KIF20A: variants seen among roughly 807,000 people sequenced by gnomAD.
KIF20A encodes the protein kinesin family member 20A, also known as kinesin-like protein KIF20A.
In KIF20A, 66 loss-of-function variants were observed where a neutral mutation model predicts 113.0. The ratio of observed to expected loss-of-function variants is 0.58; its 90% confidence interval spans 0.48 to 0.72. The LOEUF is 0.72. KIF20A is among the 30% of genes least tolerant of loss of function. The pLI, the probability that KIF20A is intolerant of heterozygous loss-of-function variation, is 0.00. For synonymous variants in KIF20A, 376 were observed against 402.3 expected (o/e 0.93, Z 0.78); for missense variants, 927 against 1,077.6 (o/e 0.86, Z 1.96).
intron 5 of KIF20A, 21 bp from the exon 6 acceptor site, chr5:138,182,565 C>T (rs756990948): frequency 6.2e-7 from 1 of 1,613,916 alleles, no homozygotes; most frequent in Admixed American, 1.7e-5. Flanking sequence ...CCTCAGCTGT[C>T]CATCTTTCAT....
In KIF20A at chr5:138,184,950, C is replaced by G; in HGVS notation, c.1823+4C>G. 6.2e-7 allele frequency: 1 copy of G among 1,613,780 alleles called. No homozygotes were observed. The highest frequency in any genetic ancestry group is 8.5e-7 in the Non-Finnish European group (1 of 1,179,792). On this transcript the variant is annotated splice_donor_region_variant and intron_variant, in intron 14 of 18. Coordinates refer to ENST00000394894, the MANE Select transcript of KIF20A (RefSeq NM_005733.3). ...AACAGCGGGAACAGTGGTGCAGGTACTAGCTGAGTGACCCCTCTTGCTCTG... is the reference window on the plus strand; with the variant it reads ...AACAGCGGGAACAGTGGTGCAGGTAGTAGCTGAGTGACCCCTCTTGCTCTG...
Position 138,181,518 on chromosome 5 carries a change from G to A in KIF20A, c.255+7G>A, listed in dbSNP as rs781374555. On this transcript the variant is annotated splice_region_variant and intron_variant, in intron 3 of 18. Coordinates refer to ENST00000394894, the MANE Select transcript of KIF20A (RefSeq NM_005733.3). Reference sequence around the variant, plus strand: ...GGAACGACAGGAAGATCAGGTAAGTGTCTGAGAAGGGAGGATTCAAGGTGA... The same window carrying A: ...GGAACGACAGGAAGATCAGGTAAGTATCTGAGAAGGGAGGATTCAAGGTGA... 7 of 1,613,998 alleles carry A rather than the reference G, an allele frequency of 4.3e-6. No homozygotes were observed. In the Admixed American group the frequency reaches 1.2e-4, roughly 27 times the overall value.
chr5:138,187,253 A>C lies in KIF20A; in HGVS notation c.2513A>C (p.Gln838Pro). 1 of 1,614,176 alleles carries C rather than the reference A, an allele frequency of 6.2e-7. No individual in the cohort carries two copies. Among genetic ancestry groups the C allele is most frequent in the Non-Finnish European group, 8.5e-7 (1 of 1,180,028 alleles). Residue 838 changes from glutamine (Q) to proline (P), a missense_variant, in exon 19 of 19, where the codon CAA becomes CCA. Gln to Pro is a moderately conservative substitution (Grantham distance 76, BLOSUM62 -1). Coordinates refer to ENST00000394894, the MANE Select transcript of KIF20A (RefSeq NM_005733.3). ...CTTGGTACCAACCAGGAAAATCAGC[A>C]ACCAAACCAACAACCACCAGGGAAG... ...KRLGTNQENQ[Q>P]PNQQPPGKKP...
In KIF20A at chr5:138,185,593, T is replaced by C. The variant is rs1480218055; in HGVS notation, c.2008T>C (p.Ser670Pro). The C allele has an allele frequency of 1.2e-6, 2 of 1,614,080 alleles. No individual in the cohort carries two copies. The highest frequency in any genetic ancestry group is 2.2e-5 in the South Asian group (2 of 91,074). The change falls in exon 16 of 19, where the codon TCT becomes CCT. Residue 670 changes from serine to proline, a missense_variant. Coordinates refer to ENST00000394894, the MANE Select transcript of KIF20A (RefSeq NM_005733.3). Reference protein sequence around the residue: ...QQSVAHQQSGSELALRRSQRL... With the variant: ...QQSVAHQQSGPELALRRSQRL... ...GTCAGTGGCCCATCAGCAATCAGGG[T>C]CTGAATTGGCCCTACGGCGGTCACA...
rs550103120 is a variant in KIF20A at position 138,185,164 on chromosome 5, G to C, written c.1893G>C (p.Glu631Asp). The change falls in exon 15 of 19, where the codon GAG becomes GAC. Residue 631 changes from glutamate (E) to aspartate (D), a missense_variant. By Grantham distance (45) the Glu-to-Asp change is conservative (BLOSUM62 2). Transcript: ENST00000394894. ...MYEEKLNILK[E>D]SLTSFYQEEI... ...AAGAAAAACTAAATATCCTCAAGGA[G>C]TCACTGACAAGTTTTTACCAAGAAG... The C allele has an allele frequency of 1.2e-5, 20 of 1,613,740 alleles. No homozygotes were observed. The highest frequency in any genetic ancestry group is 1.0e-5 in the Non-Finnish European group (12 of 1,179,818).
rs1754662529 is a variant in KIF20A at position 138,181,631 on chromosome 5, T to C, written c.278T>C (p.Val93Ala). Residue 93 changes from valine (V) to alanine (A), a missense_variant, in exon 4 of 19, where the codon GTG (valine) becomes GCG (alanine). Transcript: ENST00000394894. ...CAGGGTTGTGTCCGTATTGAGAATG[T>C]GGAGACCCTTGTTCTACAAGCACCC... is the stretch of plus-strand genomic sequence containing the variant. ...EDQGCVRIENVETLVLQAPKD... is the reference protein window; with the variant it reads ...EDQGCVRIENAETLVLQAPKD... 2 of 1,614,092 alleles carry C rather than the reference T, an allele frequency of 1.2e-6. No homozygotes were observed. Among genetic ancestry groups the C allele is most frequent in the Non-Finnish European group, 1.7e-6 (2 of 1,180,032 alleles).
Position 138,179,624 on chromosome 5 carries a change from G to A in KIF20A, c.-21-36G>A, listed in dbSNP as rs533908297. 3.7e-6 allele frequency: 6 copies of A among 1,601,982 alleles called. No individual in the cohort carries two copies. The East Asian group carries it at 8.9e-5, about 24-fold the overall frequency. On this transcript the variant is annotated intron_variant, in intron 1 of 18. Coordinates refer to ENST00000394894, the MANE Select transcript of KIF20A (RefSeq NM_005733.3). ...TTCGCGGCCCCTTCTGTCCCTAAAG[G>A]TTCTTCTCCCTGCCCACTTTTTGGT...
chr5:138,181,733 G>A lies in KIF20A; in HGVS notation c.375+5G>A, dbSNP rs1344681992. 2 of 1,613,312 alleles carry A rather than the reference G, an allele frequency of 1.2e-6. No individual in the cohort carries two copies. The highest frequency in any genetic ancestry group is 1.3e-5 in the African/African-American group (1 of 74,894). ...CACAGGTTCACCTTTTCCCAGGTAT[G>A]GAGGGTACTGGTTTGTGAACAAAAG... On this transcript the variant is annotated splice_donor_5th_base_variant and intron_variant, in intron 4 of 18. Coordinates refer to ENST00000394894, the MANE Select transcript of KIF20A (RefSeq NM_005733.3).
Position 138,183,409 on chromosome 5 carries a change from G to A in KIF20A, c.1027+46G>A. On this transcript the variant is annotated intron_variant, in intron 8 of 18. Coordinates refer to ENST00000394894, the MANE Select transcript of KIF20A (RefSeq NM_005733.3). This position sits in a 1 kb window ranked among gnomAD's most constrained non-coding sequence, Gnocchi z 5.2. Reference sequence around the variant, plus strand: ...CTGGCATGAACCCTGGAGGGCAACTGGGGAGAGACTGGCAAAAGAGTTGGA... The same window carrying A: ...CTGGCATGAACCCTGGAGGGCAACTAGGGAGAGACTGGCAAAAGAGTTGGA... The A allele has an allele frequency of 6.2e-7, 1 of 1,612,230 alleles. No homozygotes were observed. The highest frequency in any genetic ancestry group is 1.7e-5 in the Admixed American group (1 of 60,002).
chr5:138,183,840 T>C lies in KIF20A; in HGVS notation c.1208+84T>C, dbSNP rs149572522. 1,188 of 1,555,948 alleles carry C rather than the reference T, an allele frequency of 7.6e-4. 9 individuals carry two copies. In the African/African-American group the frequency reaches 0.013, roughly 16 times the overall value. On this transcript the variant is annotated intron_variant, in intron 10 of 18. Transcript: ENST00000394894. The surrounding 1 kb of genome is among the most constrained non-coding windows in gnomAD (Gnocchi z 5.2). ...ATGGAGGAGGTCCTCAGGGGAACTA[T>C]GTGTTCTCCTTCTTTGGGTACAGAG...
intron 13 of KIF20A, 25 bp downstream of exon 13, chr5:138,184,701 GT>G: frequency 6.2e-7 from 1 of 1,612,526 alleles, no homozygotes. Flanking sequence ...AAGCTTTAGT[GT>G]AGCAGCTTAG....
chr5:138,184,076 T>C lies in KIF20A; in HGVS notation c.1323T>C (p.Ile441=), dbSNP rs541763140. ...CTCTACACACCCTGGGCCGCTGTAT[T>C]GCTGCCCTTCGTCAAAACCAGCAGA... ...NTSLHTLGRC[I]AALRQNQQNR... is the part of the protein sequence containing the mutation. The change falls in exon 11 of 19, where the codon ATT becomes ATC. Residue 441 remains isoleucine (I), a synonymous_variant. Transcript: ENST00000394894. 1 of 1,614,202 alleles carries C rather than the reference T, an allele frequency of 6.2e-7. No homozygotes were observed. The highest frequency in any genetic ancestry group is 1.3e-5 in the African/African-American group (1 of 75,052).
At chr5:138,187,005 A>G in intron 18 of KIF20A, 91 bp from the exon 19 acceptor site, 1 of 903,276 alleles carries the variant, frequency 1.1e-6, no homozygotes, top group Non-Finnish European at 1.7e-6. Flanking sequence ...GTTAGTAACT[A>G]GTAATGGATG....
chr5:138,181,339 T>C, intron 2 of KIF20A, 83 bp from the exon 3 acceptor site: 1 of 1,092,296 alleles, frequency 9.2e-7, no homozygotes, highest in South Asian at 1.3e-5. Flanking sequence ...GTTATCATAG[T>C]TCCTAGAAAC....
At chr5:138,181,062 A>T (rs1754653581) in intron 2 of KIF20A, among the ~76,000 whole-genome samples, 1 of 152,186 alleles carries the variant, frequency 6.6e-6, no homozygotes, top group Admixed American at 6.5e-5. Flanking sequence ...AATTTCAAGA[A>T]CTCATAATTC....
In KIF20A at chr5:138,182,434, A is replaced by C. The variant is rs1031354228; in HGVS notation, c.487A>C (p.Asn163His). 3 of 1,614,060 alleles carry C rather than the reference A, an allele frequency of 1.9e-6. No homozygotes were observed. The African/African-American group carries it at 4.0e-5, about 22-fold the overall frequency. ...GCTCATCTATACATATGGAGTCACT[A>C]ACTCAGGGAAAACCCACACGATTCA... is the stretch of plus-strand genomic sequence containing the variant. Reference protein sequence around the residue: ...NWLIYTYGVTNSGKTHTIQGT... With the variant: ...NWLIYTYGVTHSGKTHTIQGT... The change falls in exon 5 of 19, where the codon AAC becomes CAC. Residue 163 changes from asparagine to histidine, a missense_variant. Physicochemically the swap from Asn to His is moderately conservative, Grantham distance 68. Coordinates refer to ENST00000394894, the MANE Select transcript of KIF20A (RefSeq NM_005733.3).
In KIF20A at chr5:138,184,092, A is replaced by G. The variant is rs769957879; in HGVS notation, c.1339A>G (p.Asn447Asp). ...CCGCTGTATTGCTGCCCTTCGTCAA[A>G]ACCAGCAGAACCGGTGAGCTTTTGA... ...LGRCIAALRQ[N>D]QQNRSKQNLV... Residue 447 changes from asparagine (N) to aspartate (D), a missense_variant, in exon 11 of 19, where the codon AAC becomes GAC. Asn to Asp is a conservative substitution (Grantham distance 23, BLOSUM62 1). Transcript: ENST00000394894. 2.5e-6 allele frequency: 4 copies of G among 1,614,018 alleles called. No individual in the cohort carries two copies. The East Asian group carries it at 8.9e-5, about 36-fold the overall frequency.
chr5:138,181,795 G>A (rs1486391577), intron 4 of KIF20A, 67 bp downstream of exon 4: 2 of 1,584,834 alleles, frequency 1.3e-6, no homozygotes. Flanking sequence ...CCTCTTTAGA[G>A]GGAAAGCTTC....
rs111886623 is a variant in KIF20A at position 138,185,030 on chromosome 5, T to C, written c.1824-65T>C. ...AGTTAGGTGGAGTTGTGCCTCAAGATCTGTTCCCCAAGTTCACTCCTCAGA... is the reference window on the plus strand; with the variant it reads ...AGTTAGGTGGAGTTGTGCCTCAAGACCTGTTCCCCAAGTTCACTCCTCAGA... On this transcript the variant is annotated intron_variant, in intron 14 of 18. Transcript: ENST00000394894. 8,040 of 1,594,504 alleles carry C rather than the reference T, an allele frequency of 5.0e-3. 35 individuals are homozygous for C. The highest frequency in any genetic ancestry group is 0.02 in the Admixed American group (1,177 of 59,430).
Sources: gnomAD v4.1 joint callset for allele counts (sites outside exome capture counted in the v4.1 genomes callset) on GRCh38, gnomAD v4.1.1 for gene constraint, Gnocchi (gnomAD v3.1) non-coding constraint, MANE v1.5 for transcripts, NCBI Gene and HGNC (gene_info 2026-07-23, HGNC 2026-07-21) for gene names.